EMP1: variants seen among roughly 807,000 people sequenced by gnomAD.
EMP1 encodes the protein epithelial membrane protein 1.
In EMP1, 5 loss-of-function variants were observed where a neutral mutation model predicts 15.7. The ratio of observed to expected loss-of-function variants is 0.32; its 90% CI spans 0.17 to 0.67. The LOEUF (loss-of-function observed/expected upper bound fraction) is 0.67, where lower values mean the gene tolerates loss of function less well. Ranked by LOEUF, EMP1 falls within the 30% of genes least tolerant of loss-of-function variation. The probability of loss-of-function intolerance (pLI) is 0.74; values close to 1 mark genes in which losing one functional copy is unlikely to be tolerated. For missense variants in EMP1, 166 were observed against 194.2 expected (o/e 0.85, Z 0.86); for synonymous variants, 78 against 76.7 (o/e 1.02, Z -0.09).
At chr12:13,201,935 A>G (rs370367707) in intron 1 of EMP1, among the ~76,000 whole-genome samples, 42 of 151,928 alleles carry the variant, frequency 2.8e-4, no homozygotes, top group Middle Eastern at 3.4e-3. Flanking sequence ...ACAGGTGTGG[A>G]CAGGAGCAAA....
intron 1 of EMP1, among the ~76,000 whole-genome samples, chr12:13,205,033 C>T (rs377121854): frequency 6.6e-6 from 1 of 152,148 alleles, no homozygotes; most frequent in Non-Finnish European, 1.5e-5. Context: ...AGAGCACACT[C>T]GGACGTATTG....
rs988043766 is a variant in EMP1 at position 13,215,235 on chromosome 12, C to T, written c.*544C>T. ...GTCCCTCTTTGGAACAGATATTTAG[C>T]TCTGTGGAATTCAGTGACAAAATGG... On this transcript the variant is annotated 3_prime_UTR_variant, in exon 5 of 5. Transcript: ENST00000256951. 1.3e-5 allele frequency: 2 copies of T among 153,188 alleles called. No homozygotes were observed. The highest frequency in any genetic ancestry group is 2.4e-5 in the African/African-American group (1 of 41,458). The allele number at this position is 153,188 out of a possible 1,614,324, so 9.5% of individuals were successfully genotyped here. A position where few individuals can be genotyped will look rare whatever the true frequency, so the allele number is the denominator to read the frequency against.
chr12:13,204,618 T>C (rs532338175), intron 1 of EMP1, among the ~76,000 whole-genome samples: 1 of 152,316 alleles, frequency 6.6e-6, no homozygotes, highest in South Asian at 2.1e-4. Context: ...CTGCGGAGTT[T>C]CAGGTGTCAC....
At chr12:13,207,451 C>T (rs1864120927) in intron 1 of EMP1, among the ~76,000 whole-genome samples, 1 of 152,160 alleles carries the variant, frequency 6.6e-6, no homozygotes, top group Admixed American at 6.6e-5. Flanking sequence ...AGCACAAAGA[C>T]ACCTCTGCTC....
Position 13,214,073 on chromosome 12 carries a change from G to A in EMP1, c.316+252G>A, listed in dbSNP as rs967565094. The A allele has an allele frequency of 4.5e-6, 3 of 666,548 alleles. No homozygotes were observed. The East Asian group carries it at 8.1e-5, about 18-fold the overall frequency. 41.3% of individuals were successfully genotyped at this position (666,548 alleles called of 1,614,324 possible). On this transcript the variant is annotated intron_variant, in intron 4 of 4. Coordinates refer to ENST00000256951, the MANE Select transcript of EMP1 (RefSeq NM_001423.3). ...CAGTGCATATCTGTTAGTAGCACGT[G>A]TGTACAAGACACTTCAAGAAGGCAG...
At position 13,218,066 on chromosome 12, in the gene EMP1, A is replaced by T. The variant is rs1426830983; in HGVS notation, c.*3375A>T. The T allele has an allele frequency of 6.6e-6, 1 of 152,238 alleles. No homozygotes were observed. Among genetic ancestry groups the T allele is most frequent in the South Asian group, 2.1e-4 (1 of 4,834 alleles). The allele number at this position is 152,238 out of a possible 1,614,324, so 9.4% of individuals were successfully genotyped here. ...GGTGAAATTTGTGCAAATTATGAGT[A>T]TAAAGAGGGTGAGCTACAGAACTCT... is the stretch of plus-strand genomic sequence containing the variant. On this transcript the variant is annotated 3_prime_UTR_variant, in exon 5 of 5. Coordinates refer to ENST00000256951, the MANE Select transcript of EMP1 (RefSeq NM_001423.3).
At chr12:13,209,474 A>G (rs1474538752) in intron 1 of EMP1, 1 of 152,198 alleles carries the variant, frequency 6.6e-6, no homozygotes, top group Non-Finnish European at 1.5e-5. Flanking sequence ...TGCACTTAAC[A>G]TGGGGCAGCC....
At position 13,213,591 on chromosome 12, in the gene EMP1, T is replaced by C. The variant is rs915245016; in HGVS notation, c.175+16T>C. On this transcript the variant is annotated intron_variant, in intron 3 of 4. Transcript: ENST00000256951. ...GCCAGTGAAGGTATATATAAAGATA[T>C]TGACCCAGTGCTGACAATAGGTGTG... The C allele has an allele frequency of 1.8e-5, 29 of 1,614,060 alleles. No homozygotes were observed. Among genetic ancestry groups the C allele is most frequent in the Non-Finnish European group, 2.4e-5 (28 of 1,180,030 alleles).
intron 1 of EMP1, among the ~76,000 whole-genome samples, chr12:13,197,233 A>G (rs962347435): frequency 6.6e-6 from 1 of 152,154 alleles, no homozygotes; most frequent in Non-Finnish European, 1.5e-5. Flanking sequence ...CACCTTGGAA[A>G]TGACATCGGG....
In EMP1 at chr12:13,211,416, C is replaced by T. The variant is rs1011233284; in HGVS notation, c.-42-53C>T. On this transcript the variant is annotated intron_variant, in intron 1 of 4. Transcript: ENST00000256951. The surrounding 1 kb of genome is among the most constrained non-coding windows in gnomAD (Gnocchi z 4.7). ...GCCCACACGTGTGGGAAAGCTGAGT[C>T]GTCTTATTGAATCTGACAGTAACCG... The T allele has an allele frequency of 1.4e-5, 18 of 1,249,344 alleles. No homozygotes were observed. The highest frequency in any genetic ancestry group is 1.2e-4 in the African/African-American group (8 of 66,392). 77.4% of individuals were successfully genotyped at this position (1,249,344 alleles called of 1,614,324 possible).
rs1355339333 is a variant in EMP1 at position 13,207,095 on chromosome 12, A to G, written c.-42-4374A>G. 2.6e-5 allele frequency among the ~76,000 whole-genome samples: 4 copies of G among 152,110 alleles called. No individual in the cohort carries two copies. In the East Asian group the frequency reaches 7.7e-4, roughly 29 times the overall value. On this transcript the variant is annotated intron_variant, in intron 1 of 4. Coordinates refer to ENST00000256951, the MANE Select transcript of EMP1 (RefSeq NM_001423.3). ...TCCTTTAGAGCTATAGTCACGAGCAATTTTAATCCTCAGGGTTCTATTTTA... is the reference window on the plus strand; with the variant it reads ...TCCTTTAGAGCTATAGTCACGAGCAGTTTTAATCCTCAGGGTTCTATTTTA...
chr12:13,209,005 T>C (rs1216644099), intron 1 of EMP1: 1 of 152,220 alleles, frequency 6.6e-6, no homozygotes, highest in Non-Finnish European at 1.5e-5. Context: ...AAAATGCTGC[T>C]GAATTCCCAA....
chr12:13,213,397 C>A, intron 2 of EMP1, 82 bp from the exon 3 acceptor site: 2 of 1,264,460 alleles, frequency 1.6e-6, no homozygotes, highest in Non-Finnish European at 2.3e-6. Context: ...AAAATCTGAT[C>A]CCGATGCAAG....
At chr12:13,213,982 C>T (rs1864190753) in intron 4 of EMP1, 161 bp downstream of exon 4, 1 of 1,106,300 alleles carries the variant, frequency 9.0e-7, no homozygotes, top group African/African-American at 1.5e-5. Flanking sequence ...TGGATTGCTG[C>T]TTAGGTTAAG....
chr12:13,212,854 G>A (rs969953652), intron 2 of EMP1, among the ~76,000 whole-genome samples: 1 of 152,198 alleles, frequency 6.6e-6, no homozygotes, highest in African/African-American at 2.4e-5. Context: ...GATCAGTCTG[G>A]GGGAATCCAT....
chr12:13,209,947 A>G (rs1157500486), intron 1 of EMP1, among the ~76,000 whole-genome samples: 1 of 152,240 alleles, frequency 6.6e-6, no homozygotes, highest in Non-Finnish European at 1.5e-5. Context: ...CCTAAAAAAC[A>G]GCCTGGGTTG....
intron 1 of EMP1, among the ~76,000 whole-genome samples, chr12:13,204,114 T>C (rs1397443830): frequency 6.6e-6 from 1 of 152,202 alleles, no homozygotes; most frequent in African/African-American, 2.4e-5. Flanking sequence ...TTCTCCTGGT[T>C]GTAAAAACTG....
In EMP1 at chr12:13,208,021, C is replaced by T. The variant is rs527252281; in HGVS notation, c.-42-3448C>T. Among the ~76,000 whole-genome samples the T allele has an allele frequency of 7.4e-4, 113 of 152,292 alleles. 1 individual carries two copies. Among genetic ancestry groups the T allele is most frequent in the Admixed American group, 2.4e-3 (37 of 15,302 alleles). On this transcript the variant is annotated intron_variant, in intron 1 of 4. Coordinates refer to ENST00000256951, the MANE Select transcript of EMP1 (RefSeq NM_001423.3). ...CTCTGCATCTTGGTTTGCGCTGCCT[C>T]ACTAGGACTAGGGGTATGCTTTCCA...
intron 1 of EMP1, among the ~76,000 whole-genome samples, chr12:13,204,678 A>G (rs1864095737): frequency 6.6e-6 from 1 of 152,218 alleles, no homozygotes; most frequent in Non-Finnish European, 1.5e-5. Context: ...TCAGTTGACC[A>G]GAAGCGGCTA....
Sources: allele counts gnomAD v4.1 joint callset (sites outside exome capture counted in the v4.1 genomes callset), GRCh38; gene constraint gnomAD v4.1.1; non-coding constraint Gnocchi (gnomAD v3.1); transcripts MANE v1.5; gene names NCBI Gene and HGNC (gene_info 2026-07-23, HGNC 2026-07-21).